Variants in SPTBN5 observed in about 807,000 individuals in gnomAD.
SPTBN5 encodes spectrin beta chain, non-erythrocytic 5.
A neutral mutation model predicts 477.6 loss-of-function variants in SPTBN5; 513 were observed. The observed-to-expected ratio is 1.07, with a 90% CI of 1.00 to 1.16. The LOEUF (loss-of-function observed/expected upper bound fraction) is 1.16, where lower values mean the gene tolerates loss of function less well. SPTBN5 is among the 50% of genes most tolerant of loss of function. The pLI is 0.00. For missense variants in SPTBN5, 5,062 were observed against 4,731.8 expected (o/e 1.07, Z -2.05); for synonymous variants, 2,169 against 2,011.7 (o/e 1.08, Z -2.09).
At position 41,887,960 on chromosome 15, in the gene SPTBN5, C is replaced by T; in HGVS notation, c.627G>A (p.Gly209=). The T allele has an allele frequency of 6.2e-7, 1 of 1,609,342 alleles. No individual in the cohort carries two copies. The part of the protein sequence containing the change: ...ITDFSRSWSD[G]LGFNALIHAH... ...CATGGATGAGGGCATTGAAGCCCAG[C>T]CCATCGCTCCAGCTTCGGGAGAAAT... The change falls in exon 5 of 68, where the codon GGG becomes GGA. Residue 209 remains glycine, a synonymous_variant. Coordinates refer to ENST00000320955, the MANE Select transcript of SPTBN5 (RefSeq NM_016642.4).
chr15:41,879,279 G>A lies in SPTBN5; in HGVS notation c.3163C>T (p.Leu1055Phe). 1 of 1,611,824 alleles carries A rather than the reference G, an allele frequency of 6.2e-7. No individual in the cohort carries two copies. The highest frequency in any genetic ancestry group is 8.5e-7 in the Non-Finnish European group (1 of 1,179,700). Residue 1055 changes from leucine (L) to phenylalanine (F), a missense_variant, in exon 16 of 68, where the codon CTC (leucine) becomes TTC (phenylalanine). Leu to Phe is a conservative substitution (Grantham distance 22). Coordinates refer to ENST00000320955, the MANE Select transcript of SPTBN5 (RefSeq NM_016642.4). ...TLVLERRVHFLQSVVVKVEEP... is the reference protein window; with the variant it reads ...TLVLERRVHFFQSVVVKVEEP... ...CCGTACTTTACGACCACACTTTGGA[G>A]GAAGTGGACCCTCCTCTCCAGCACC...
chr15:41,876,720 C>T, intron 19 of SPTBN5, 73 bp from the exon 20 acceptor site: 2 of 1,602,032 alleles, frequency 1.2e-6, no homozygotes, highest in Admixed American at 1.7e-5. Context: ...CACTCTCCCC[C>T]ACCCCCTACT....
At position 41,881,149 on chromosome 15, in the gene SPTBN5, T is replaced by TC. The variant is rs766980341; in HGVS notation, c.2542dup (p.Asp848GlyfsTer10). ...AGCTGGGAGGGCCATCTTCCAGGCA[T>TC]CCCCAGGGCCAGGGTGGCAGGAAGC... is the stretch of plus-strand genomic sequence containing the variant. On this transcript the variant is annotated frameshift_variant, in exon 13 of 68. Coordinates refer to ENST00000320955, the MANE Select transcript of SPTBN5 (RefSeq NM_016642.4). LOFTEE classifies it high-confidence loss of function. The TC allele has an allele frequency of 4.9e-5, 79 of 1,613,572 alleles. No individual in the cohort carries two copies. Among genetic ancestry groups the TC allele is most frequent in the Non-Finnish European group, 6.6e-5 (78 of 1,179,802 alleles).
chr15:41,864,457 G>A (rs540913958), intron 39 of SPTBN5, among the ~76,000 whole-genome samples: 12 of 152,330 alleles, frequency 7.9e-5, no homozygotes, highest in African/African-American at 2.6e-4. Flanking sequence ...GGCACTACAG[G>A]TGCCTGCCAC....
intron 39 of SPTBN5, among the ~76,000 whole-genome samples, chr15:41,865,162 T>C (rs143068036): frequency 5.3e-5 from 8 of 152,332 alleles, no homozygotes; most frequent in African/African-American, 1.7e-4. Flanking sequence ...TGATTGTCAA[T>C]ACATTTGCCA....
At chr15:41,892,449 C>T (rs1008773110) in intron 3 of SPTBN5, among the ~76,000 whole-genome samples, 1 of 152,304 alleles carries the variant, frequency 6.6e-6, no homozygotes, top group East Asian at 1.9e-4. Context: ...CTCCCTCCTT[C>T]TCCAAGACAG....
chr15:41,889,856 T>C (rs1156812763), intron 4 of SPTBN5, among the ~76,000 whole-genome samples: 2 of 152,244 alleles, frequency 1.3e-5, no homozygotes, highest in African/African-American at 4.8e-5. Context: ...TGCCCAGACC[T>C]GGTTTGAAGC....
In SPTBN5 at chr15:41,876,548, C is replaced by G. The variant is rs1377521266; in HGVS notation, c.3951G>C (p.Gln1317His). Residue 1317 changes from glutamine (Q) to histidine (H), a missense_variant and splice_region_variant, in exon 20 of 68, where the codon CAG (glutamine) becomes CAC (histidine). Transcript: ENST00000320955. The stretch of plus-strand genomic sequence containing the variant: ...ATGCGACCTGGGCCCAGACCCTCAC[C>G]TGGAGCTGGAGGGAAGCCAGCAACT... Reference protein sequence around the residue: ...RRQLLASLQLQEWKQDVAELM... With the variant: ...RRQLLASLQLHEWKQDVAELM... 1 of 1,591,998 alleles carries G rather than the reference C, an allele frequency of 6.3e-7. No individual in the cohort carries two copies. Among genetic ancestry groups the G allele is most frequent in the East Asian group, 2.3e-5 (1 of 43,782 alleles).
intron 29 of SPTBN5, 111 bp downstream of exon 29, chr15:41,871,264 C>T (rs1376293852): frequency 4.9e-6 from 6 of 1,227,314 alleles, no homozygotes; most frequent in Non-Finnish European, 6.3e-6. Flanking sequence ...CCGTGGGCAG[C>T]CAGGGCCAGT....
At position 41,849,230 on chromosome 15, in the gene SPTBN5, A is replaced by AG. The variant is rs569249347; in HGVS notation, c.11013-603dup. 1.2e-3 allele frequency among the ~76,000 whole-genome samples: 180 copies of AG among 152,268 alleles called. 1 individual carries two copies. Among genetic ancestry groups the AG allele is most frequent in the African/African-American group, 4.2e-3 (176 of 41,556 alleles). On this transcript the variant is annotated intron_variant, in intron 67 of 67. Coordinates refer to ENST00000320955, the MANE Select transcript of SPTBN5 (RefSeq NM_016642.4). ...TTTGGAAGGGAAGGAGATGTGGGTG[A>AG]GGGGGGTTGAGCATCGAAATGATGC...
intron 7 of SPTBN5, among the ~76,000 whole-genome samples, chr15:41,884,412 G>T (rs1161567955): frequency 6.6e-6 from 1 of 152,194 alleles, no homozygotes; most frequent in African/African-American, 2.4e-5. Flanking sequence ...GAGCCACCAG[G>T]CCCGGCCTAA....
Position 41,879,264 on chromosome 15 carries a change from C to A in SPTBN5, c.3178G>T (p.Val1060Leu). 2 of 1,610,392 alleles carry A rather than the reference C, an allele frequency of 1.2e-6. No individual in the cohort carries two copies. The highest frequency in any genetic ancestry group is 1.1e-5 in the South Asian group (1 of 90,946). Residue 1060 changes from valine to leucine, a missense_variant, in exon 16 of 68, where the codon GTA (valine) becomes TTA (leucine). Physicochemically the swap from Val to Leu is conservative, Grantham distance 32. Coordinates refer to ENST00000320955, the MANE Select transcript of SPTBN5 (RefSeq NM_016642.4). ...RRVHFLQSVV[V>L]KVEEPGYAES... ...CCACCACTGCGCTGGCCGTACTTTA[C>A]GACCACACTTTGGAGGAAGTGGACC... is the stretch of plus-strand genomic sequence containing the variant.
chr15:41,881,211 T>A lies in SPTBN5; in HGVS notation c.2481A>T (p.Pro827=), dbSNP rs377386499. Residue 827 remains proline (P), a synonymous_variant, in exon 13 of 68, where the codon CCA becomes CCT. Transcript: ENST00000320955. ...GCCCTGGGTTCCTCAGGCTTTCTCC[T>A]GGAGGGCTCAGGGCAGAGTTCACCT... is the stretch of plus-strand genomic sequence containing the variant. ...LFTVNSALSP[P]GESLRNPGPW... The A allele has an allele frequency of 6.8e-6, 11 of 1,611,382 alleles. No homozygotes were observed. In the African/African-American group the frequency reaches 1.1e-4, roughly 16 times the overall value.
intron 29 of SPTBN5, 35 bp from the exon 30 acceptor site, chr15:41,870,595 A>T: frequency 6.4e-7 from 1 of 1,565,114 alleles, no homozygotes; most frequent in Non-Finnish European, 8.7e-7. Context: ...GCCGGGGATC[A>T]GCTGCCGGGC....
In SPTBN5 at chr15:41,885,755, G is replaced by C; in HGVS notation, c.1500C>G (p.Ser500Arg). Residue 500 changes from serine (S) to arginine (R), a missense_variant, in exon 7 of 68, where the codon AGC becomes AGG. Physicochemically the swap from Ser to Arg is moderately radical, Grantham distance 110. Coordinates refer to ENST00000320955, the MANE Select transcript of SPTBN5 (RefSeq NM_016642.4). Reference sequence around the variant, plus strand: ...CTCACCTGCGGGCCACATCTGCCCAGCTGTGGTACTGCTCCTGCCGGAGGA... The same window carrying C: ...CTCACCTGCGGGCCACATCTGCCCACCTGTGGTACTGCTCCTGCCGGAGGA... ...ADILRQEQYH[S>R]WADVARRQEE... is the part of the protein sequence containing the mutation. 2 of 1,557,292 alleles carry C rather than the reference G, an allele frequency of 1.3e-6. No individual in the cohort carries two copies. Among genetic ancestry groups the C allele is most frequent in the Non-Finnish European group, 1.7e-6 (2 of 1,150,638 alleles).
At chr15:41,893,671 T>A (rs2067383514) in intron 1 of SPTBN5, 125 bp from the exon 2 acceptor site, 2 of 1,202,710 alleles carry the variant, frequency 1.7e-6, no homozygotes, top group Admixed American at 2.8e-5. Flanking sequence ...CCCAGCCAGG[T>A]AAGGGCCAGT....
chr15:41,863,564 C>T, intron 41 of SPTBN5, 140 bp downstream of exon 41: 1 of 657,634 alleles, frequency 1.5e-6, no homozygotes. Flanking sequence ...CTGGTGCAGA[C>T]TGCTGGGACC....
chr15:41,849,814 C>T, intron 67 of SPTBN5, 55 bp downstream of exon 67: 1 of 1,384,606 alleles, frequency 7.2e-7, no homozygotes, highest in Non-Finnish European at 1.0e-6. Flanking sequence ...ACAGCGCCTG[C>T]CAGCCACTGA....
At chr15:41,887,899 G>A (rs1318638875) in intron 5 of SPTBN5, 29 bp downstream of exon 5, 17 of 1,594,390 alleles carry the variant, frequency 1.1e-5, no homozygotes, top group Non-Finnish European at 1.5e-5. Flanking sequence ...TCAGTGGGCA[G>A]AGGCCTCCTG....
Sources: gnomAD v4.1 joint callset for allele counts (sites outside exome capture counted in the v4.1 genomes callset) on GRCh38, gnomAD v4.1.1 for gene constraint, MANE v1.5 for transcripts, NCBI Gene and HGNC (gene_info 2026-07-23, HGNC 2026-07-21) for gene names.